PLEKHA3: variants seen among roughly 807,000 people sequenced by gnomAD.
PLEKHA3 encodes pleckstrin homology domain-containing family A member 3.
A neutral mutation model predicts 39.2 loss-of-function variants in PLEKHA3; 19 were observed. That is an observed-to-expected ratio of 0.48 (90% CI 0.34 to 0.71). The LOEUF is 0.71. Among genes scored for constraint, PLEKHA3 ranks in the 30% least tolerant of loss-of-function variants. The probability of loss-of-function intolerance (pLI) is 0.01; values close to 1 mark genes in which losing one functional copy is unlikely to be tolerated. For missense variants in PLEKHA3, 253 were observed against 359.5 expected (o/e 0.70, Z 2.40); for synonymous variants, 97 against 118.6 (o/e 0.82, Z 1.18).
chr2:178,501,364 TACTA>T (rs1685527700), intron 7 of PLEKHA3, among the ~76,000 whole-genome samples, 188 bp downstream of exon 7: 2 of 151,986 alleles, frequency 1.3e-5, no homozygotes, highest in Non-Finnish European at 2.9e-5. Context: ...ACAGGTTTGT[TACTA>T]ACTAAGGAGT....
Position 178,501,153 on chromosome 2 carries a change from A to T in PLEKHA3, c.752A>T (p.Asp251Val), listed in dbSNP as rs1167836282. 1 of 1,612,696 alleles carries T rather than the reference A, an allele frequency of 6.2e-7. No homozygotes were observed. The highest frequency in any genetic ancestry group is 1.1e-5 in the South Asian group (1 of 90,932). Residue 251 changes from aspartate (D) to valine (V), a missense_variant, in exon 7 of 8, where the codon GAT (aspartate) becomes GTT (valine). By Grantham distance (152) the Asp-to-Val change is radical (BLOSUM62 -3). Coordinates refer to ENST00000234453, the MANE Select transcript of PLEKHA3 (RefSeq NM_019091.4). ...RTYSDTDSCSDIPLEDPDRPV... is the reference protein window; with the variant it reads ...RTYSDTDSCSVIPLEDPDRPV... Reference sequence around the variant, plus strand: ...TACTCAGATACAGATTCTTGTAGTGATATTCCTCTTGAAGACCCAGATAGT... The same window carrying T: ...TACTCAGATACAGATTCTTGTAGTGTTATTCCTCTTGAAGACCCAGATAGT...
chr2:178,485,833 A>G, intron 2 of PLEKHA3, 76 bp downstream of exon 2: 2 of 1,115,080 alleles, frequency 1.8e-6, no homozygotes, highest in East Asian at 2.4e-5. Context: ...AGACGAGGAA[A>G]AAAAGCATTT....
chr2:178,509,874 A>T lies in PLEKHA3; in HGVS notation c.*5987A>T, dbSNP rs1685657301. On this transcript the variant is annotated 3_prime_UTR_variant, in exon 8 of 8. Transcript: ENST00000234453. Reference sequence around the variant, plus strand: ...ATATGGGAAAATCTAGTGTTTGATAATGTTGACCCTACATTTTTTTTGGAC... The same window carrying T: ...ATATGGGAAAATCTAGTGTTTGATATTGTTGACCCTACATTTTTTTTGGAC... 1 of 152,124 alleles carries T rather than the reference A, an allele frequency of 6.6e-6. No individual in the cohort carries two copies. Among genetic ancestry groups the T allele is most frequent in the Non-Finnish European group, 1.5e-5 (1 of 68,020 alleles). 9.4% of individuals were successfully genotyped at this position (152,124 alleles called of 1,614,324 possible). A position where few individuals can be genotyped will look rare whatever the true frequency, so the allele number is the denominator to read the frequency against.
rs995632229 is a variant in PLEKHA3 at position 178,508,060 on chromosome 2, T to G, written c.*4173T>G. On this transcript the variant is annotated 3_prime_UTR_variant, in exon 8 of 8. Transcript: ENST00000234453. ...TCTGCTTCAGTTCTGGGTGTGTGTG[T>G]GTGTGTGTGTGTGTGTGTGTGTGTG... 3 of 151,340 alleles carry G rather than the reference T, an allele frequency of 2.0e-5. No individual in the cohort carries two copies. The highest frequency in any genetic ancestry group is 1.3e-4 in the Admixed American group (2 of 15,032). The allele number at this position is 151,340 out of a possible 1,614,324, so 9.4% of individuals were successfully genotyped here.
chr2:178,484,247 T>A (rs1179968913), intron 1 of PLEKHA3, among the ~76,000 whole-genome samples: 1 of 152,214 alleles, frequency 6.6e-6, no homozygotes, highest in East Asian at 1.9e-4. Flanking sequence ...ATAAAGTCCA[T>A]GTACCAAAAT....
rs146439609 is a variant in PLEKHA3 at position 178,480,905 on chromosome 2, C to T, written c.36C>T (p.Leu12=). Residue 12 remains leucine (L), a synonymous_variant, in exon 1 of 8, where the codon CTC becomes CTT. Coordinates refer to ENST00000234453, the MANE Select transcript of PLEKHA3 (RefSeq NM_019091.4). Reference sequence around the variant, plus strand: ...TGTTGTACAAGTGGACCAACTATCTCACAGGTATGGGGGCTCGTGTGATGA... The same window carrying T: ...TGTTGTACAAGTGGACCAACTATCTTACAGGTATGGGGGCTCGTGTGATGA... ...EGVLYKWTNY[L]TGWQPRWFVL... is the part of the protein sequence containing the mutation. The T allele has an allele frequency of 1.1e-5, 15 of 1,313,024 alleles. No individual in the cohort carries two copies. The highest frequency in any genetic ancestry group is 2.0e-4 in the Middle Eastern group (1 of 4,936). The allele number at this position is 1,313,024 out of a possible 1,614,324, so 81.3% of individuals were successfully genotyped here. A position where few individuals can be genotyped will look rare whatever the true frequency, so the allele number is the denominator to read the frequency against.
intron 3 of PLEKHA3, among the ~76,000 whole-genome samples, chr2:178,492,225 A>G (rs1685359018): frequency 6.6e-6 from 1 of 152,158 alleles, no homozygotes; most frequent in African/African-American, 2.4e-5. Flanking sequence ...ATGAAGGCTG[A>G]GGATTGAATT....
chr2:178,493,239 T>A (rs1420330003), intron 3 of PLEKHA3, among the ~76,000 whole-genome samples: 4 of 152,062 alleles, frequency 2.6e-5, no homozygotes, highest in Non-Finnish European at 5.9e-5. Flanking sequence ...ATGCTCTTAA[T>A]AAAAAATTTT....
intron 5 of PLEKHA3, among the ~76,000 whole-genome samples, chr2:178,498,495 A>G (rs932747149): frequency 1.3e-5 from 2 of 152,182 alleles, no homozygotes; most frequent in Non-Finnish European, 2.9e-5. Context: ...TTTTTCTGCT[A>G]CCATGTTAAA....
In PLEKHA3 at chr2:178,509,378, A is replaced by G. The variant is rs969821388; in HGVS notation, c.*5491A>G. 6.6e-6 allele frequency: 1 copy of G among 152,304 alleles called. No homozygotes were observed. The highest frequency in any genetic ancestry group is 1.5e-5 in the Non-Finnish European group (1 of 68,026). 9.4% of individuals were successfully genotyped at this position (152,304 alleles called of 1,614,324 possible). The stretch of plus-strand genomic sequence containing the variant: ...AGGGTTGTGAGGATTAGAAGAATCA[A>G]TTCATAAAAAGCAGTTAGAAAAGTG... On this transcript the variant is annotated 3_prime_UTR_variant, in exon 8 of 8. Transcript: ENST00000234453.
At chr2:178,489,451 C>CTTTTTTTTTTTTTTTTTTTTTTTT (rs71023445) in intron 2 of PLEKHA3, among the ~76,000 whole-genome samples, 1 of 82,370 alleles carries the variant, frequency 1.2e-5, no homozygotes. Context: ...TCTTTTCCTT[C>CTTTTTTTTTTTTTTTTTTTTTTTT]TTTTTTTTTT....
intron 7 of PLEKHA3, 21 bp downstream of exon 7, chr2:178,501,197 C>G: frequency 1.9e-6 from 3 of 1,579,464 alleles, no homozygotes; most frequent in Non-Finnish European, 2.6e-6. Flanking sequence ...TAGATTCTGT[C>G]TCTTTCTTTG....
chr2:178,489,814 T>G (rs1463622195), intron 2 of PLEKHA3, among the ~76,000 whole-genome samples: 2 of 152,168 alleles, frequency 1.3e-5, no homozygotes, highest in African/African-American at 2.4e-5. Context: ...TAAATTACTT[T>G]CTCTCATAAT....
chr2:178,485,577 A>T (rs1685235205), intron 1 of PLEKHA3, 64 bp from the exon 2 acceptor site: 1 of 970,872 alleles, frequency 1.0e-6, no homozygotes, highest in Admixed American at 2.0e-5. Flanking sequence ...TTGAAATCAC[A>T]GTTTTCTATG....
In PLEKHA3 at chr2:178,510,739, A is replaced by G. The variant is rs1384217751; in HGVS notation, c.*6852A>G. 1 of 153,358 alleles carries G rather than the reference A, an allele frequency of 6.5e-6. No homozygotes were observed. The highest frequency in any genetic ancestry group is 1.9e-4 in the East Asian group (1 of 5,202). 9.5% of individuals were successfully genotyped at this position (153,358 alleles called of 1,614,324 possible). A position where few individuals can be genotyped will look rare whatever the true frequency, so the allele number is the denominator to read the frequency against. ...GTGAAAAAATAAATTTTCATTCTTT[A>G]TGGTAAATTCCCATCACTGTATCCA... On this transcript the variant is annotated 3_prime_UTR_variant, in exon 8 of 8. Transcript: ENST00000234453.
Position 178,512,739 on chromosome 2 carries a change from C to T in PLEKHA3, c.*8852C>T, listed in dbSNP as rs748049900. The T allele has an allele frequency of 5.2e-5, 8 of 153,714 alleles. No homozygotes were observed. The highest frequency in any genetic ancestry group is 2.1e-4 in the South Asian group (1 of 4,828). 9.5% of individuals were successfully genotyped at this position (153,714 alleles called of 1,614,324 possible). On this transcript the variant is annotated 3_prime_UTR_variant, in exon 8 of 8. Coordinates refer to ENST00000234453, the MANE Select transcript of PLEKHA3 (RefSeq NM_019091.4). The stretch of plus-strand genomic sequence containing the variant: ...ATGTTCTAGGAAAACTTTTCAGTCC[C>T]GCTCAGTGCTGCCATCTTTTTCTCC...
rs1326074505 is a variant in PLEKHA3, at chr2:178,510,497, G to A, written c.*6610G>A. On this transcript the variant is annotated 3_prime_UTR_variant, in exon 8 of 8. Transcript: ENST00000234453. ...CCAGTGCAACAGTGTTGGGAGGTGG[G>A]GCCTACCAGGAGGTGTTTAGGTCAT... The A allele has an allele frequency of 1.3e-5, 2 of 153,726 alleles. No homozygotes were observed. Among genetic ancestry groups the A allele is most frequent in the Non-Finnish European group, 2.9e-5 (2 of 68,048 alleles). 9.5% of individuals were successfully genotyped at this position (153,726 alleles called of 1,614,324 possible).
In PLEKHA3 at chr2:178,513,883, G is replaced by A. The variant is rs1685723471; in HGVS notation, c.*9996G>A. The A allele has an allele frequency of 6.6e-6, 1 of 152,022 alleles. No homozygotes were observed. The highest frequency in any genetic ancestry group is 1.5e-5 in the Non-Finnish European group (1 of 68,016). 9.4% of individuals were successfully genotyped at this position (152,022 alleles called of 1,614,324 possible). ...TTTGACAAATTTATATGGTAAATGAGCATAAAATGAATATCTTTTCAGTAT... is the reference window on the plus strand; with the variant it reads ...TTTGACAAATTTATATGGTAAATGAACATAAAATGAATATCTTTTCAGTAT... On this transcript the variant is annotated 3_prime_UTR_variant, in exon 8 of 8. Transcript: ENST00000234453.
intron 2 of PLEKHA3, among the ~76,000 whole-genome samples, chr2:178,487,529 C>G (rs1185043226): frequency 6.6e-6 from 1 of 151,980 alleles, no homozygotes; most frequent in East Asian, 1.9e-4. Context: ...GCCTCCACCT[C>G]CTGGGTTCAG....
Sources: gnomAD v4.1 joint callset for allele counts (sites outside exome capture counted in the v4.1 genomes callset) on GRCh38, gnomAD v4.1.1 for gene constraint, MANE v1.5 for transcripts, NCBI Gene and HGNC (gene_info 2026-07-23, HGNC 2026-07-21) for gene names.